The following CCDC146 variants were observed in gnomAD, a reference collection of about 807,000 sequenced individuals.
CCDC146 encodes coiled-coil domain-containing protein 146.
CCDC146 carries 92 observed loss-of-function variants against 119.3 expected under a neutral mutation model. That is an observed-to-expected ratio of 0.77 (90% CI 0.65 to 0.92). The LOEUF is 0.92. Among genes scored for constraint, CCDC146 ranks in the 40% least tolerant of loss-of-function variants. The pLI, the probability that CCDC146 is intolerant of heterozygous loss-of-function variation, is 0.00. For synonymous variants in CCDC146, 372 were observed against 371.8 expected (o/e 1.00, Z -0.01); for missense variants, 1,000 against 1,103.0 (o/e 0.91, Z 1.32).
Position 77,293,080 on chromosome 7 carries a change from C to G in CCDC146, c.2544C>G (p.Ile848Met). 1.2e-6 allele frequency: 2 copies of G among 1,614,192 alleles called. No individual in the cohort carries two copies. ...AAGTCAGGGAGAAAGAAGACTTCAT[C>G]TTCACTTGCAATTCCAGGATAGAAA... is the stretch of plus-strand genomic sequence containing the variant. ...QKEVREKEDF[I>M]FTCNSRIEKG... The change falls in exon 18 of 19, where the codon ATC (isoleucine) becomes ATG (methionine). Residue 848 changes from isoleucine (I) to methionine (M), a missense_variant. Physicochemically the swap from Ile to Met is conservative, Grantham distance 10 (BLOSUM62 1). This residue lies in a region of CCDC146 where 985 missense variants were observed against 1,045.3 expected (regional missense o/e 0.94). Coordinates refer to ENST00000285871, the MANE Select transcript of CCDC146 (RefSeq NM_020879.3).
intron 9 of CCDC146, among the ~76,000 whole-genome samples, chr7:77,271,513 G>T (rs1466728253): frequency 4.2e-5 from 3 of 71,368 alleles, no homozygotes; most frequent in African/African-American, 1.6e-4. Context: ...ACTAATAGGA[G>T]ATATATATAT....
chr7:77,149,513 C>A (rs1791074708), intron 1 of CCDC146, among the ~76,000 whole-genome samples: 1 of 152,000 alleles, frequency 6.6e-6, no homozygotes, highest in African/African-American at 2.4e-5. Flanking sequence ...TGTCTGTAAT[C>A]CCAGCACTTT....
chr7:77,230,751 T>C (rs191290911), intron 2 of CCDC146, among the ~76,000 whole-genome samples: 10 of 152,344 alleles, frequency 6.6e-5, no homozygotes, highest in Non-Finnish European at 1.0e-4. Context: ...CTCCTGAATA[T>C]GTTTTCATCC....
At chr7:77,243,938 GTGCAATTTTGGCTCAC>G (rs952601760) in intron 4 of CCDC146, among the ~76,000 whole-genome samples, 1 of 152,136 alleles carries the variant, frequency 6.6e-6, no homozygotes, top group African/African-American at 2.4e-5. Flanking sequence ...GAGTGCAGTA[GTGCAATTTTGGCTCAC>G]TGCAACCTCC....
In CCDC146 at chr7:77,293,021, A is replaced by G. The variant is rs758028073; in HGVS notation, c.2485A>G (p.Met829Val). Residue 829 changes from methionine to valine, a missense_variant, in exon 18 of 19, where the codon ATG becomes GTG. This residue lies in a region of CCDC146 where 985 missense variants were observed against 1,045.3 expected (regional missense o/e 0.94). Coordinates refer to ENST00000285871, the MANE Select transcript of CCDC146 (RefSeq NM_020879.3). The stretch of plus-strand genomic sequence containing the variant: ...GATGGCTCTTGTTGCTGAGCTGTCC[A>G]TGAAACAAGCCCTAACCATTGAACT... ...KMMALVAELS[M>V]KQALTIELQK... 7 of 1,614,206 alleles carry G rather than the reference A, an allele frequency of 4.3e-6. No homozygotes were observed. Among genetic ancestry groups the G allele is most frequent in the Non-Finnish European group, 5.9e-6 (7 of 1,180,014 alleles).
chr7:77,163,045 G>C (rs991260764), intron 1 of CCDC146, among the ~76,000 whole-genome samples: 2 of 152,200 alleles, frequency 1.3e-5, no homozygotes, highest in Admixed American at 1.3e-4. Flanking sequence ...TACAGATTCA[G>C]CATGGTACTT....
chr7:77,284,904 G>A (rs1028862684), intron 15 of CCDC146, among the ~76,000 whole-genome samples: 1 of 151,926 alleles, frequency 6.6e-6, no homozygotes, highest in Non-Finnish European at 1.5e-5. Flanking sequence ...CTTCAGGCAA[G>A]CCATTTCTGT....
At chr7:77,124,392 T>G (rs1464977226) in intron 1 of CCDC146, among the ~76,000 whole-genome samples, 1 of 152,244 alleles carries the variant, frequency 6.6e-6, no homozygotes, top group Non-Finnish European at 1.5e-5. Flanking sequence ...AAAAGTTGTA[T>G]CTTCCATCCA....
intron 1 of CCDC146, among the ~76,000 whole-genome samples, chr7:77,144,938 G>A (rs1790992216): frequency 1.3e-5 from 2 of 151,702 alleles, no homozygotes; most frequent in Non-Finnish European, 2.9e-5. Flanking sequence ...CTCATAAAGT[G>A]AATTAGGGAG....
chr7:77,211,700 C>T (rs1792187859), intron 2 of CCDC146, among the ~76,000 whole-genome samples: 1 of 152,100 alleles, frequency 6.6e-6, no homozygotes, highest in Non-Finnish European at 1.5e-5. Flanking sequence ...ACTGTAACCT[C>T]CACCTCCTGG....
At chr7:77,214,321 T>C (rs571447931) in intron 2 of CCDC146, among the ~76,000 whole-genome samples, 1 of 152,306 alleles carries the variant, frequency 6.6e-6, no homozygotes, top group South Asian at 2.1e-4. Context: ...TGCTTGTTGA[T>C]TTAAGTTCCT....
intron 2 of CCDC146, among the ~76,000 whole-genome samples, chr7:77,210,914 G>T (rs1357273928): frequency 6.6e-6 from 1 of 152,040 alleles, no homozygotes; most frequent in African/African-American, 2.4e-5. Flanking sequence ...GAACAGCAAG[G>T]GGGATATCTG....
At chr7:77,248,951 A>G (rs1205116588) in intron 4 of CCDC146, among the ~76,000 whole-genome samples, 1 of 152,244 alleles carries the variant, frequency 6.6e-6, no homozygotes, top group Non-Finnish European at 1.5e-5. Context: ...ATCTCAATTT[A>G]CAATGATGAC....
chr7:77,138,288 TGCAAA>T (rs3972430), intron 1 of CCDC146, among the ~76,000 whole-genome samples: 2 of 110,272 alleles, frequency 1.8e-5, no homozygotes, highest in African/African-American at 3.4e-5. Context: ...AGGGGGCAGT[TGCAAA>T]AAAAAAAAAA....
chr7:77,232,174 G>T (rs1792643627), intron 2 of CCDC146, among the ~76,000 whole-genome samples: 1 of 152,130 alleles, frequency 6.6e-6, no homozygotes, highest in Admixed American at 6.5e-5. Flanking sequence ...TCACTGATTG[G>T]TCAGAGGTCA....
At position 77,196,150 on chromosome 7, in the gene CCDC146, G is replaced by C; in HGVS notation, c.156+28326G>C. ...TCAGCTTTATTTCAAATGCTGTGTAGCATAAGAACCTAGCCGTCAGACATC... is the reference window on the plus strand; with the variant it reads ...TCAGCTTTATTTCAAATGCTGTGTACCATAAGAACCTAGCCGTCAGACATC... On this transcript the variant is annotated intron_variant, in intron 2 of 18. Coordinates refer to ENST00000285871, the MANE Select transcript of CCDC146 (RefSeq NM_020879.3). The surrounding 1 kb of genome is among the most constrained non-coding windows in gnomAD (Gnocchi z 4.2). 1.5e-6 allele frequency: 1 copy of C among 665,000 alleles called. No homozygotes were observed. Among genetic ancestry groups the C allele is most frequent in the African/African-American group, 1.8e-5 (1 of 55,172 alleles). The allele number at this position is 665,000 out of a possible 1,614,324, so 41.2% of individuals were successfully genotyped here.
intron 1 of CCDC146, among the ~76,000 whole-genome samples, chr7:77,127,074 G>A (rs1018466579): frequency 6.6e-6 from 1 of 152,116 alleles, no homozygotes; most frequent in African/African-American, 2.4e-5. Context: ...CTGCAGGGAT[G>A]GGGGGCCTTC....
At chr7:77,287,374 T>G in intron 16 of CCDC146, 66 bp from the exon 17 acceptor site, 1 of 1,553,994 alleles carries the variant, frequency 6.4e-7, no homozygotes, top group Non-Finnish European at 8.8e-7. Flanking sequence ...CTGCTCTAAT[T>G]AGGAAATAAG....
At chr7:77,256,935 C>A (rs1262014001) in intron 6 of CCDC146, among the ~76,000 whole-genome samples, 2 of 152,130 alleles carry the variant, frequency 1.3e-5, no homozygotes, top group African/African-American at 4.8e-5. Context: ...GAAACCCTGT[C>A]TCTACTAAAA....
Sources: allele counts gnomAD v4.1 joint callset (sites outside exome capture counted in the v4.1 genomes callset), GRCh38; gene constraint gnomAD v4.1.1; regional missense constraint gnomAD v4.1.1; non-coding constraint Gnocchi (gnomAD v3.1); transcripts MANE v1.5; gene names NCBI Gene and HGNC (gene_info 2026-07-23, HGNC 2026-07-21).